The following NR3C2 variants were observed in gnomAD, a reference collection of about 807,000 sequenced individuals.
The protein encoded by NR3C2 is nuclear receptor subfamily 3 group C member 2.
In NR3C2, 15 loss-of-function variants were observed where a neutral mutation model predicts 86.4. That is an observed-to-expected ratio of 0.17 (90% CI 0.12 to 0.27). NR3C2 has a LOEUF of 0.27. Ranked by LOEUF, NR3C2 falls within the 10% of genes least tolerant of loss-of-function variation. NR3C2 has a pLI of 1.00. For synonymous variants in NR3C2, 458 were observed against 450.5 expected (o/e 1.02, Z -0.21); for missense variants, 960 against 1,195.6 (o/e 0.80, Z 2.91).
rs548367582 is a variant in NR3C2, at chr4:148,323,138, C to G, written c.1758-63021G>C. On this transcript the variant is annotated intron_variant, in intron 2 of 8. Coordinates refer to ENST00000358102, the MANE Select transcript of NR3C2 (RefSeq NM_000901.5). ...TGCAGGTCTGTTGGAATACCCTGCC[C>G]TGTGAGGTGTCAGTGTGCCTCTGCT... 3.4e-3 allele frequency among the ~76,000 whole-genome samples: 506 copies of G among 149,794 alleles called. 2 individuals carry two copies. The highest frequency in any genetic ancestry group is 4.3e-3 in the Non-Finnish European group (290 of 67,648).
chr4:148,159,582 A>G (rs529519101), intron 4 of NR3C2, among the ~76,000 whole-genome samples: 118 of 152,330 alleles, frequency 7.7e-4, no homozygotes, highest in African/African-American at 2.8e-3. Context: ...CTACTTTTTC[A>G]TATTGCAGAG....
At chr4:148,113,180 C>G (rs1310733754) in intron 8 of NR3C2, among the ~76,000 whole-genome samples, 1 of 152,122 alleles carries the variant, frequency 6.6e-6, no homozygotes, top group Non-Finnish European at 1.5e-5. Flanking sequence ...TAGAAACAAG[C>G]TTAGAATCTC....
intron 2 of NR3C2, among the ~76,000 whole-genome samples, chr4:148,292,596 T>G (rs977235378): frequency 2.6e-5 from 4 of 152,118 alleles, no homozygotes; most frequent in Admixed American, 1.3e-4. Flanking sequence ...CTGACCATCA[T>G]TACAGTACAA....
At position 148,315,955 on chromosome 4, in the gene NR3C2, T is replaced by C. The variant is rs147959358; in HGVS notation, c.1758-55838A>G. Among the ~76,000 whole-genome samples, 621 of 152,276 alleles carry C rather than the reference T, an allele frequency of 4.1e-3. 16 individuals are homozygous for C. The highest frequency in any genetic ancestry group is 6.8e-4 in the Non-Finnish European group (46 of 68,004). On this transcript the variant is annotated intron_variant, in intron 2 of 8. Coordinates refer to ENST00000358102, the MANE Select transcript of NR3C2 (RefSeq NM_000901.5). ...CAATCTCCGTTTTTGGAATTCACCT[T>C]AAAGATTCAGAATTCAGACCAGACT...
chr4:148,337,863 G>A (rs1010568128), intron 2 of NR3C2, among the ~76,000 whole-genome samples: 5 of 152,096 alleles, frequency 3.3e-5, no homozygotes, highest in Admixed American at 6.5e-5. Flanking sequence ...GGGAAAGGAC[G>A]TAGAATAAAG....
intron 3 of NR3C2, chr4:148,208,325 G>A (rs1473592137): frequency 6.6e-6 from 1 of 152,254 alleles, no homozygotes; most frequent in African/African-American, 2.4e-5. Context: ...ATTCAGCCCT[G>A]TTCAGGTCAA....
chr4:148,298,537 A>G (rs965622260), intron 2 of NR3C2, among the ~76,000 whole-genome samples: 3 of 152,242 alleles, frequency 2.0e-5, no homozygotes, highest in Admixed American at 2.0e-4. Context: ...CAGTGAAGTC[A>G]CAGCTAAATT....
chr4:148,204,545 T>C (rs1441079053), intron 3 of NR3C2, among the ~76,000 whole-genome samples: 1 of 152,184 alleles, frequency 6.6e-6, no homozygotes, highest in Non-Finnish European at 1.5e-5. Flanking sequence ...TTCGGAGTGG[T>C]AAAATTATGT....
chr4:148,410,087 TA>T (rs1748621063), intron 2 of NR3C2, among the ~76,000 whole-genome samples: 1 of 152,164 alleles, frequency 6.6e-6, no homozygotes, highest in Admixed American at 6.5e-5. Flanking sequence ...TAGGTACCTT[TA>T]AAAAACAATG....
At chr4:148,232,455 C>T (rs1215955157) in intron 3 of NR3C2, among the ~76,000 whole-genome samples, 1 of 152,192 alleles carries the variant, frequency 6.6e-6, no homozygotes, top group Non-Finnish European at 1.5e-5. Flanking sequence ...TGGGTCTTAA[C>T]AGTGGACTTA....
intron 3 of NR3C2, among the ~76,000 whole-genome samples, chr4:148,242,652 T>C (rs1007072753): frequency 2.6e-5 from 4 of 152,208 alleles, no homozygotes; most frequent in African/African-American, 9.6e-5. Context: ...ATTCTTTTTC[T>C]CTAAAATTTT....
chr4:148,193,063 C>T (rs1036880562), intron 4 of NR3C2, among the ~76,000 whole-genome samples: 2 of 152,206 alleles, frequency 1.3e-5, no homozygotes, highest in Non-Finnish European at 2.9e-5. Flanking sequence ...TGGAGTTTTA[C>T]CCCCTGCTCC....
intron 4 of NR3C2, among the ~76,000 whole-genome samples, chr4:148,173,547 C>T (rs528945671): frequency 6.6e-6 from 1 of 152,332 alleles, no homozygotes; most frequent in Admixed American, 6.5e-5. Context: ...TCTCATAGAG[C>T]CTCCTCTAAG....
chr4:148,257,689 C>CT (rs1428635362), intron 3 of NR3C2, among the ~76,000 whole-genome samples: 4 of 151,962 alleles, frequency 2.6e-5, no homozygotes, highest in Non-Finnish European at 5.9e-5. Flanking sequence ...AGATAGCCAT[C>CT]TTTTTCACAT....
chr4:148,393,642 T>C (rs1011538624), intron 2 of NR3C2, among the ~76,000 whole-genome samples: 3 of 152,114 alleles, frequency 2.0e-5, no homozygotes, highest in African/African-American at 7.2e-5. Context: ...ATTACCAGGA[T>C]TTCCATTTTG....
intron 4 of NR3C2, among the ~76,000 whole-genome samples, chr4:148,162,482 G>A (rs1734705249): frequency 1.3e-5 from 2 of 152,056 alleles, no homozygotes; most frequent in South Asian, 4.1e-4. Context: ...ACATGTCTTC[G>A]AGGTCTGGCC....
chr4:148,444,360 C>T (rs1750492739), upstream of NR3C2: 8 of 985,162 alleles, frequency 8.1e-6, no homozygotes, highest in Non-Finnish European at 9.6e-6. Flanking sequence ...GCACCCTTGC[C>T]CCAGGGCCGC....
intron 2 of NR3C2, among the ~76,000 whole-genome samples, chr4:148,291,090 C>G (rs546773847): frequency 6.6e-6 from 1 of 152,194 alleles, no homozygotes; most frequent in Admixed American, 6.5e-5. Flanking sequence ...AACACATCAG[C>G]CCTTTAGACT....
chr4:148,158,055 A>G (rs1560951951), intron 4 of NR3C2, among the ~76,000 whole-genome samples: 2 of 152,312 alleles, frequency 1.3e-5, no homozygotes, highest in African/African-American at 4.8e-5. Flanking sequence ...TTAATAAAAG[A>G]TTTGAGGCAC....
Sources: allele counts gnomAD v4.1 joint callset (sites outside exome capture counted in the v4.1 genomes callset), GRCh38; gene constraint gnomAD v4.1.1; transcripts MANE v1.5; gene names NCBI Gene and HGNC (gene_info 2026-07-23, HGNC 2026-07-21).